The following CDCA8 variants were observed in gnomAD, a reference collection of about 807,000 sequenced individuals.
The protein encoded by CDCA8 is borealin.
CDCA8 carries 25 observed loss-of-function variants against 40.0 expected under a neutral mutation model. That is an observed-to-expected ratio of 0.63 (90% CI 0.46 to 0.87). CDCA8 has a LOEUF of 0.87. Among genes scored for constraint, CDCA8 ranks in the 40% least tolerant of loss-of-function variants. The probability of loss-of-function intolerance (pLI) is 0.00; values close to 1 mark genes in which losing one functional copy is unlikely to be tolerated. For missense variants in CDCA8, 280 were observed against 348.4 expected (o/e 0.80, Z 1.56); for synonymous variants, 111 against 126.5 (o/e 0.88, Z 0.82).
In CDCA8 at chr1:37,694,140, C is replaced by CA. The variant is rs943650598; in HGVS notation, c.223+1116dup. 6.4e-4 allele frequency among the ~76,000 whole-genome samples: 97 copies of CA among 151,058 alleles called. 2 individuals carry two copies. In the East Asian group the frequency reaches 0.01, roughly 16 times the overall value. ...GGGCAACAAGAGTGAAACTCCGTCTCAAAAAAAAAGACACATCAGTTTTCC... is the reference window on the plus strand; with the variant it reads ...GGGCAACAAGAGTGAAACTCCGTCTCAAAAAAAAAAGACACATCAGTTTTCC... On this transcript the variant is annotated intron_variant, in intron 2 of 9. Transcript: ENST00000373055.
intron 3 of CDCA8, 137 bp from the exon 4 acceptor site, chr1:37,698,768 T>A: frequency 1.8e-6 from 1 of 557,556 alleles, no homozygotes; most frequent in Non-Finnish European, 3.0e-6. Context: ...GGGAGTTTGC[T>A]ATATTGTATA....
chr1:37,706,893 C>T, intron 8 of CDCA8, 85 bp from the exon 9 acceptor site: 2 of 988,570 alleles, frequency 2.0e-6, no homozygotes, highest in East Asian at 2.4e-5. Context: ...CCATTCCCCA[C>T]CACTAAGTGC....
At chr1:37,701,688 A>AC in intron 5 of CDCA8, 66 bp from the exon 6 acceptor site, 5 of 1,059,696 alleles carry the variant, frequency 4.7e-6, no homozygotes, top group South Asian at 4.3e-5. Flanking sequence ...AAAAAAAAAA[A>AC]ACCCTCCTTA....
Position 37,708,484 on chromosome 1 carries a change from TAAGGG to T in CDCA8, c.*121_*125del. 1.0e-6 allele frequency: 1 copy of T among 1,001,336 alleles called. No individual in the cohort carries two copies. Among genetic ancestry groups the T allele is most frequent in the South Asian group, 1.3e-5 (1 of 75,214 alleles). 62.0% of individuals were successfully genotyped at this position (1,001,336 alleles called of 1,614,324 possible). A position where few individuals can be genotyped will look rare whatever the true frequency, so the allele number is the denominator to read the frequency against. ...TCCAGAGCAAGGAGCCATGTTCCTC[TAAGGG>T]AATTCAGGAATTCAGACGTGCTAGT... On this transcript the variant is annotated 3_prime_UTR_variant, in exon 10 of 10. Coordinates refer to ENST00000373055, the MANE Select transcript of CDCA8 (RefSeq NM_001256875.2).
rs1645581459 is a variant in CDCA8 at position 37,703,900 on chromosome 1, G to A, written c.584+553G>A. ...GCCTGTGATGACTAGGAGGCCTCTA[G>A]GTGACGTTTTTGGCCTTTTCTGATT... On this transcript the variant is annotated intron_variant, in intron 7 of 9. Coordinates refer to ENST00000373055, the MANE Select transcript of CDCA8 (RefSeq NM_001256875.2). Among the ~76,000 whole-genome samples the A allele has an allele frequency of 2.0e-5, 3 of 152,026 alleles. No homozygotes were observed. The South Asian group carries it at 6.2e-4, about 32-fold the overall frequency.
At position 37,694,970 on chromosome 1, in the gene CDCA8, G is replaced by A. The variant is rs141148102; in HGVS notation, c.224-940G>A. Among the ~76,000 whole-genome samples the A allele has an allele frequency of 4.6e-5, 7 of 152,340 alleles. No homozygotes were observed. The South Asian group carries it at 1.4e-3, about 32-fold the overall frequency. On this transcript the variant is annotated intron_variant, in intron 2 of 9. Transcript: ENST00000373055. ...CATCTCTGGAATTCAGTCCAAGGCA[G>A]GGATGGACATTTAAACAGCTTTGAG...
At chr1:37,703,437 C>A in intron 7 of CDCA8, 90 bp downstream of exon 7, 1 of 968,902 alleles carries the variant, frequency 1.0e-6, no homozygotes, top group South Asian at 1.3e-5. Flanking sequence ...ACTCCTAGGC[C>A]AGGCACGGTA....
At chr1:37,704,003 G>T (rs1008771573) in intron 7 of CDCA8, among the ~76,000 whole-genome samples, 6 of 152,066 alleles carry the variant, frequency 3.9e-5, no homozygotes, top group African/African-American at 1.4e-4. Context: ...GCCCAGGCTG[G>T]AGAGCAGTGG....
rs934734415 is a variant in CDCA8, at chr1:37,709,507, G to A, written c.*1141G>A. 1.3e-5 allele frequency: 2 copies of A among 152,152 alleles called. No homozygotes were observed. The highest frequency in any genetic ancestry group is 6.5e-5 in the Admixed American group (1 of 15,274). 9.4% of individuals were successfully genotyped at this position (152,152 alleles called of 1,614,324 possible). ...GCTTGAAGGCACATGGCTTTCTCAT[G>A]TAGGGCTCTCTGTGGTATTTGTTAT... On this transcript the variant is annotated 3_prime_UTR_variant, in exon 10 of 10. Coordinates refer to ENST00000373055, the MANE Select transcript of CDCA8 (RefSeq NM_001256875.2).
chr1:37,693,699 A>G (rs1374404293), intron 2 of CDCA8, among the ~76,000 whole-genome samples: 1 of 151,960 alleles, frequency 6.6e-6, no homozygotes, highest in Non-Finnish European at 1.5e-5. Context: ...GCGCCCGGCC[A>G]GAAAATAGTA....
chr1:37,699,747 G>A lies in CDCA8; in HGVS notation c.338-689G>A, dbSNP rs187664248. ...ATCCTGGCTAATACGGTGAACCCCCGTCTCTACTAAAAAATACAAAAAATT... is the reference window on the plus strand; with the variant it reads ...ATCCTGGCTAATACGGTGAACCCCCATCTCTACTAAAAAATACAAAAAATT... On this transcript the variant is annotated intron_variant, in intron 4 of 9. Transcript: ENST00000373055. 1.4e-3 allele frequency among the ~76,000 whole-genome samples: 207 copies of A among 152,026 alleles called. 1 individual carries two copies. The highest frequency in any genetic ancestry group is 2.1e-3 in the Non-Finnish European group (141 of 67,954).
intron 4 of CDCA8, 74 bp downstream of exon 4, chr1:37,699,051 G>A: frequency 1.0e-6 from 1 of 997,912 alleles, no homozygotes; most frequent in Non-Finnish European, 1.6e-6. Context: ...TGCTCAGGCA[G>A]CGCCTTGTTG....
chr1:37,699,716 G>A (rs1269394517), intron 4 of CDCA8, among the ~76,000 whole-genome samples: 4 of 152,232 alleles, frequency 2.6e-5, no homozygotes, highest in East Asian at 1.9e-4. Flanking sequence ...TCAGGAGTTC[G>A]AGACCATCCT....
At chr1:37,704,717 G>A (rs912320706) in intron 7 of CDCA8, among the ~76,000 whole-genome samples, 10 of 132,268 alleles carry the variant, frequency 7.6e-5, no homozygotes, top group African/African-American at 2.9e-4. Context: ...GCACAATCTC[G>A]GCTCACTGCA....
At position 37,708,616 on chromosome 1, in the gene CDCA8, C is replaced by T; in HGVS notation, c.*250C>T. 1 of 541,676 alleles carries T rather than the reference C, an allele frequency of 1.8e-6. No individual in the cohort carries two copies. The highest frequency in any genetic ancestry group is 3.3e-6 in the Non-Finnish European group (1 of 300,142). 33.6% of individuals were successfully genotyped at this position (541,676 alleles called of 1,614,324 possible). ...CCATGGAAGCTTCCCATCAGTCTCC[C>T]AGCTGAATCCTCCCTGCTCTCTGAG... On this transcript the variant is annotated 3_prime_UTR_variant, in exon 10 of 10. Transcript: ENST00000373055.
chr1:37,709,069 T>A lies in CDCA8; in HGVS notation c.*703T>A, dbSNP rs1297175589. On this transcript the variant is annotated 3_prime_UTR_variant, in exon 10 of 10. Coordinates refer to ENST00000373055, the MANE Select transcript of CDCA8 (RefSeq NM_001256875.2). ...GTTCTGAAGTCTGCTTGTGGAGCAG[T>A]GTTTTATGTTTATCCCTGTTTACTG... 6.6e-6 allele frequency: 1 copy of A among 152,460 alleles called. No homozygotes were observed. The highest frequency in any genetic ancestry group is 2.4e-5 in the African/African-American group (1 of 41,422). The allele number at this position is 152,460 out of a possible 1,614,324, so 9.4% of individuals were successfully genotyped here.
intron 6 of CDCA8, among the ~76,000 whole-genome samples, chr1:37,702,739 G>T (rs1239758554): frequency 1.3e-5 from 2 of 152,124 alleles, no homozygotes; most frequent in Non-Finnish European, 2.9e-5. Flanking sequence ...ATCACTTGAG[G>T]TCAGGAGTTT....
Position 37,701,832 on chromosome 1 carries a change from TA to T in CDCA8, c.488+17del. 6.2e-7 allele frequency: 1 copy of T among 1,605,670 alleles called. No individual in the cohort carries two copies. The highest frequency in any genetic ancestry group is 8.5e-7 in the Non-Finnish European group (1 of 1,172,630). ...AAAAGGGAAAAGGTAGTGGATTTTC[TA>T]AAGTTGTGGTGTTTTGGGTTTTATT... On this transcript the variant is annotated intron_variant, in intron 6 of 9. Coordinates refer to ENST00000373055, the MANE Select transcript of CDCA8 (RefSeq NM_001256875.2).
chr1:37,693,333 A>G (rs1645491447), intron 2 of CDCA8, among the ~76,000 whole-genome samples: 1 of 152,202 alleles, frequency 6.6e-6, no homozygotes. Flanking sequence ...TTCCAATAAA[A>G]TTTTAGTTAT....
Sources: allele counts gnomAD v4.1 joint callset (sites outside exome capture counted in the v4.1 genomes callset), GRCh38; gene constraint gnomAD v4.1.1; transcripts MANE v1.5; gene names NCBI Gene and HGNC (gene_info 2026-07-23, HGNC 2026-07-21).